Variants in BLTP3A observed in about 807,000 individuals in gnomAD.
BLTP3A encodes ICBP90 binding protein 1.
chr6:34,824,146 G>T, the BLTP3A span, among the ~76,000 whole-genome samples: 1 of 151,924 alleles, frequency 6.6e-6, no homozygotes, highest in Admixed American at 6.6e-5. Context: ...TCACCATGTT[G>T]CCCAGGCTGG....
chr6:34,805,316 G>C, the BLTP3A span, among the ~76,000 whole-genome samples: 47 of 152,066 alleles, frequency 3.1e-4, no homozygotes, highest in African/African-American at 1.1e-3. Flanking sequence ...TGGATGGCTG[G>C]GCGTGGTAGC....
the BLTP3A span, chr6:34,823,362 A>G: frequency 6.2e-7 from 1 of 1,606,406 alleles, no homozygotes; most frequent in East Asian, 2.2e-5. Context: ...AGTTTCTTTG[A>G]ACCCTGTTAT....
the BLTP3A span, among the ~76,000 whole-genome samples, chr6:34,852,853 G>A: frequency 1.3e-5 from 2 of 152,156 alleles, no homozygotes; most frequent in Admixed American, 6.5e-5. Context: ...AATAACCTCC[G>A]GATGGATGAT....
chr6:34,848,946 T>C, the BLTP3A span, among the ~76,000 whole-genome samples: 1 of 142,690 alleles, frequency 7.0e-6, no homozygotes, highest in Non-Finnish European at 1.5e-5. Context: ...TTTTAATTTC[T>C]TGCATTTTTT....
chr6:34,832,808 C>T, the BLTP3A span, among the ~76,000 whole-genome samples: 5 of 151,938 alleles, frequency 3.3e-5, no homozygotes, highest in African/African-American at 1.2e-4. Context: ...ATACTTGGTC[C>T]CACTTTTATC....
At chr6:34,827,448 C>CT in the BLTP3A span, among the ~76,000 whole-genome samples, 5 of 152,276 alleles carry the variant, frequency 3.3e-5, no homozygotes, top group South Asian at 1.0e-3. Flanking sequence ...AATTCATACA[C>CT]TGAGTCATGG....
chr6:34,853,735 A>G, the BLTP3A span, among the ~76,000 whole-genome samples: 2 of 151,720 alleles, frequency 1.3e-5, no homozygotes, highest in South Asian at 2.1e-4. Flanking sequence ...TAATTTTTGT[A>G]TTTTTAGTAG....
At chr6:34,860,313 G>C in the BLTP3A span, among the ~76,000 whole-genome samples, 3 of 152,178 alleles carry the variant, frequency 2.0e-5, no homozygotes, top group Non-Finnish European at 4.4e-5. Flanking sequence ...ACAGTGAGAC[G>C]AGTGGAAAAG....
chr6:34,793,541 TTA>T, the BLTP3A span, among the ~76,000 whole-genome samples: 1 of 152,222 alleles, frequency 6.6e-6, no homozygotes, highest in Non-Finnish European at 1.5e-5. Flanking sequence ...ATCTGAGACT[TTA>T]ATTAGTAATT....
At chr6:34,830,820 C>T in the BLTP3A span, among the ~76,000 whole-genome samples, 3 of 152,142 alleles carry the variant, frequency 2.0e-5, no homozygotes, top group Non-Finnish European at 4.4e-5. Context: ...TTCCCTCTAG[C>T]ATTGCATAAA....
the BLTP3A span, among the ~76,000 whole-genome samples, chr6:34,825,941 G>A: frequency 9.2e-5 from 14 of 151,538 alleles, no homozygotes; most frequent in African/African-American, 3.2e-4. Flanking sequence ...CCTAGTTATG[G>A]TATTTAGGGG....
At chr6:34,848,193 T>C in the BLTP3A span, among the ~76,000 whole-genome samples, 1 of 150,742 alleles carries the variant, frequency 6.6e-6, no homozygotes, top group East Asian at 1.9e-4. Flanking sequence ...AATGCTAGGA[T>C]TATAGGCTTG....
At chr6:34,836,130 C>A in the BLTP3A span, 2 of 1,605,908 alleles carry the variant, frequency 1.2e-6, no homozygotes, top group Non-Finnish European at 1.7e-6. Flanking sequence ...GTCTGGACTT[C>A]CTGTTTCTCT....
chr6:34,792,136 G>GGCGGCGGCGGCGGCGGCGGCGGCGGCT, the BLTP3A span: 1 of 931,968 alleles, frequency 1.1e-6, no homozygotes, highest in Non-Finnish European at 1.5e-6. Flanking sequence ...TGGCGGCGGC[G>GGCGGCGGCGGCGGCGGCGGCGGCGGCT]GCGGCTGTGT....
chr6:34,807,915 C>T, the BLTP3A span, among the ~76,000 whole-genome samples: 797 of 152,096 alleles, frequency 5.2e-3, 4 homozygotes, highest in African/African-American at 0.017. Context: ...GTGATGGGCA[C>T]CTGTAATCTC....
chr6:34,869,834 A>G, the BLTP3A span, among the ~76,000 whole-genome samples: 1 of 151,494 alleles, frequency 6.6e-6, no homozygotes, highest in African/African-American at 2.4e-5. Flanking sequence ...TTGTATTTTT[A>G]GACAGGGTTT....
At chr6:34,819,868 G>A in the BLTP3A span, among the ~76,000 whole-genome samples, 880 of 152,314 alleles carry the variant, frequency 5.8e-3, 11 homozygotes, top group African/African-American at 0.02. Flanking sequence ...TTGACCGATA[G>A]AGTTTCCTAT....
chr6:34,871,234 G>T, the BLTP3A span: 1 of 1,250,018 alleles, frequency 8.0e-7, no homozygotes, highest in Non-Finnish European at 1.1e-6. Context: ...GTAAAATATG[G>T]TGAGGATCAA....
chr6:34,817,502 A>T, the BLTP3A span, among the ~76,000 whole-genome samples: 1 of 151,990 alleles, frequency 6.6e-6, no homozygotes, highest in Non-Finnish European at 1.5e-5. Flanking sequence ...AACACACAAG[A>T]CTTCTGGATC....
Sources: gnomAD v4.1 joint callset for allele counts (sites outside exome capture counted in the v4.1 genomes callset) on GRCh38, gnomAD v4.1.1 for gene constraint, MANE v1.5 for transcripts, NCBI Gene and HGNC (gene_info 2026-07-23, HGNC 2026-07-21) for gene names.